Variants in TNFRSF1B observed in about 807,000 individuals in gnomAD.
TNFRSF1B encodes tumor necrosis factor receptor superfamily member 1B.
In TNFRSF1B, 19 loss-of-function variants were observed where a neutral mutation model predicts 44.6. The observed-to-expected ratio is 0.43, with a 90% confidence interval of 0.30 to 0.62. TNFRSF1B has a LOEUF of 0.62. Among genes scored for constraint, TNFRSF1B ranks in the 20% least tolerant of loss-of-function variants. The pLI, the probability that TNFRSF1B is intolerant of heterozygous loss-of-function variation, is 0.16. For synonymous variants in TNFRSF1B, 252 were observed against 261.1 expected (o/e 0.97, Z 0.34); for missense variants, 541 against 619.9 (o/e 0.87, Z 1.35).
intron 9 of TNFRSF1B, among the ~76,000 whole-genome samples, chr1:12,205,047 G>T (rs1430063560): frequency 6.6e-6 from 1 of 152,142 alleles, no homozygotes; most frequent in Non-Finnish European, 1.5e-5. Flanking sequence ...TACCCTCCTG[G>T]GTTCAGAGTC....
intron 8 of TNFRSF1B, among the ~76,000 whole-genome samples, chr1:12,196,804 G>A (rs868392042): frequency 1.6e-4 from 25 of 152,280 alleles, no homozygotes; most frequent in Admixed American, 2.0e-4. Flanking sequence ...GGTGGCGTGC[G>A]TAGAGCAGGT....
At chr1:12,206,612 A>C in intron 9 of TNFRSF1B, 128 bp from the exon 10 acceptor site, 1 of 1,005,956 alleles carries the variant, frequency 9.9e-7, no homozygotes, top group South Asian at 1.8e-5. Flanking sequence ...GAGCTGGGCT[A>C]GAATCTTGGT....
chr1:12,178,983 G>A lies in TNFRSF1B; in HGVS notation c.79-9813G>A, dbSNP rs1471824413. Among the ~76,000 whole-genome samples the A allele has an allele frequency of 1.3e-5, 2 of 152,096 alleles. No homozygotes were observed. Among genetic ancestry groups the A allele is most frequent in the Admixed American group, 6.5e-5 (1 of 15,286 alleles). On this transcript the variant is annotated intron_variant, in intron 1 of 9. Transcript: ENST00000376259. The surrounding 1 kb of genome is among the most constrained non-coding windows in gnomAD (Gnocchi z 4.3). ...ATGCTGAGGGCAGCGAGGAGGAGGG[G>A]TCGTGGGAGATGGAGCAGGCGACAT...
At chr1:12,194,650 C>A in intron 8 of TNFRSF1B, 32 bp downstream of exon 8, 2 of 1,613,590 alleles carry the variant, frequency 1.2e-6, no homozygotes, top group Non-Finnish European at 1.7e-6. Flanking sequence ...TCCCCCTCTT[C>A]CCCTGGTCTC....
At chr1:12,182,841 TC>T (rs1280667519) in intron 1 of TNFRSF1B, among the ~76,000 whole-genome samples, 1 of 152,144 alleles carries the variant, frequency 6.6e-6, no homozygotes, top group Non-Finnish European at 1.5e-5. Flanking sequence ...CAGAGACAGC[TC>T]CCATCTGGGA....
At chr1:12,175,246 C>T (rs1638628350) in intron 1 of TNFRSF1B, among the ~76,000 whole-genome samples, 1 of 152,230 alleles carries the variant, frequency 6.6e-6, no homozygotes, top group African/African-American at 2.4e-5. Context: ...TTGGCCCGGC[C>T]TCTGCTTCCG....
rs1045298963 is a variant in TNFRSF1B at position 12,209,077 on chromosome 1, C to T, written c.*2057C>T. The T allele has an allele frequency of 6.6e-6, 1 of 152,366 alleles. No homozygotes were observed. The highest frequency in any genetic ancestry group is 2.4e-5 in the African/African-American group (1 of 41,424). The allele number at this position is 152,366 out of a possible 1,614,324, so 9.4% of individuals were successfully genotyped here. ...GGAGAACCTCAGGCTTCCTTGGCAT[C>T]ACAGGGCAGAGCCGGGAAGCGATGA... On this transcript the variant is annotated 3_prime_UTR_variant, in exon 10 of 10. Transcript: ENST00000376259.
chr1:12,191,749 G>C (rs780859909), intron 3 of TNFRSF1B, 25 bp from the exon 4 acceptor site: 324 of 1,612,088 alleles, frequency 2.0e-4, no homozygotes, highest in Non-Finnish European at 2.5e-4. Context: ...AGGCGTGACC[G>C]TTTGCCGCCC....
At position 12,169,182 on chromosome 1, in the gene TNFRSF1B, G is replaced by C. The variant is rs553432920; in HGVS notation, c.78+2013G>C. Among the ~76,000 whole-genome samples, 241 of 152,274 alleles carry C rather than the reference G, an allele frequency of 1.6e-3. 2 individuals carry two copies. Among genetic ancestry groups the C allele is most frequent in the African/African-American group, 5.5e-3 (229 of 41,534 alleles). ...CCCAGGCCCTTTTGTTCCCTTTGAG[G>C]ACAGATTGCATTCTGCTTTTTAATC... is the stretch of plus-strand genomic sequence containing the variant. On this transcript the variant is annotated intron_variant, in intron 1 of 9. Transcript: ENST00000376259. This position sits in a 1 kb window ranked among gnomAD's most constrained non-coding sequence, Gnocchi z 4.5.
At chr1:12,204,904 G>C (rs1639468746) in intron 9 of TNFRSF1B, among the ~76,000 whole-genome samples, 1 of 152,082 alleles carries the variant, frequency 6.6e-6, no homozygotes, top group South Asian at 2.1e-4. Context: ...GCCAGGCAAG[G>C]TGGCTCATGC....
intron 8 of TNFRSF1B, among the ~76,000 whole-genome samples, chr1:12,196,194 G>C (rs931947771): frequency 1.3e-5 from 2 of 152,078 alleles, no homozygotes; most frequent in Non-Finnish European, 2.9e-5. Flanking sequence ...TCAGCTACTC[G>C]GGAGGCTGAG....
intron 1 of TNFRSF1B, among the ~76,000 whole-genome samples, chr1:12,174,226 C>T (rs949004588): frequency 3.6e-5 from 5 of 140,216 alleles, no homozygotes; most frequent in African/African-American, 1.5e-4. Flanking sequence ...TTCTCCTTCT[C>T]CTTCTCCTTC....
At chr1:12,192,671 G>A in intron 5 of TNFRSF1B, 147 bp downstream of exon 5, 2 of 975,272 alleles carry the variant, frequency 2.1e-6, no homozygotes, top group Non-Finnish European at 3.1e-6. Context: ...GGCATGGTGG[G>A]CAGGACCTTG....
At chr1:12,205,621 T>A (rs1253299195) in intron 9 of TNFRSF1B, among the ~76,000 whole-genome samples, 1 of 151,990 alleles carries the variant, frequency 6.6e-6, no homozygotes, top group East Asian at 1.9e-4. Flanking sequence ...GAAGTCATCT[T>A]TTGTTTTTGT....
At chr1:12,185,559 G>C (rs569748684) in intron 1 of TNFRSF1B, among the ~76,000 whole-genome samples, 1 of 152,166 alleles carries the variant, frequency 6.6e-6, no homozygotes, top group African/African-American at 2.4e-5. Context: ...TGGCAGCACC[G>C]TGTCCAGGCA....
At chr1:12,206,708 G>A in intron 9 of TNFRSF1B, 32 bp from the exon 10 acceptor site, 1 of 1,537,108 alleles carries the variant, frequency 6.5e-7, no homozygotes, top group Non-Finnish European at 8.8e-7. Flanking sequence ...TGGACCCCCG[G>A]ACTGACCCCC....
chr1:12,183,134 G>A (rs905767073), intron 1 of TNFRSF1B, among the ~76,000 whole-genome samples: 1 of 152,204 alleles, frequency 6.6e-6, no homozygotes, highest in African/African-American at 2.4e-5. Flanking sequence ...ATGAGCTACC[G>A]CTAACTGCAG....
Position 12,193,241 on chromosome 1 carries a change from C to T in TNFRSF1B, c.787+143C>T, listed in dbSNP as rs5746029. The T allele has an allele frequency of 3.0e-4, 233 of 764,216 alleles. No homozygotes were observed. The South Asian group carries it at 3.3e-3, about 11-fold the overall frequency. The allele number at this position is 764,216 out of a possible 1,614,324, so 47.3% of individuals were successfully genotyped here. Reference sequence around the variant, plus strand: ...TCCTGGGATACAGGTGGCAGTGAGACTGCTTTCTCCCCACACCTGGTGCTA... The same window carrying T: ...TCCTGGGATACAGGTGGCAGTGAGATTGCTTTCTCCCCACACCTGGTGCTA... On this transcript the variant is annotated intron_variant, in intron 6 of 9. Transcript: ENST00000376259.
At position 12,167,188 on chromosome 1, in the gene TNFRSF1B, C is replaced by A; in HGVS notation, c.78+19C>A. 8.0e-7 allele frequency: 1 copy of A among 1,255,762 alleles called. No homozygotes were observed. The highest frequency in any genetic ancestry group is 1.0e-6 in the Non-Finnish European group (1 of 998,710). The allele number at this position is 1,255,762 out of a possible 1,614,324, so 77.8% of individuals were successfully genotyped here. A position where few individuals can be genotyped will look rare whatever the true frequency, so the allele number is the denominator to read the frequency against. ...CGCCCAGGTGGGTGACTCGCGCGGC[C>A]CACGGGGGACAGCCGCCCCGCATGT... is the stretch of plus-strand genomic sequence containing the variant. On this transcript the variant is annotated intron_variant, in intron 1 of 9. Transcript: ENST00000376259.
Sources: gnomAD v4.1 joint callset for allele counts (sites outside exome capture counted in the v4.1 genomes callset) on GRCh38, gnomAD v4.1.1 for gene constraint, Gnocchi (gnomAD v3.1) non-coding constraint, MANE v1.5 for transcripts, NCBI Gene and HGNC (gene_info 2026-07-23, HGNC 2026-07-21) for gene names.